The following ZC3H18 variants were observed in gnomAD, a reference collection of about 807,000 sequenced individuals.
The protein encoded by ZC3H18 is zinc finger CCCH-type containing 18.
A neutral mutation model predicts 106.1 loss-of-function variants in ZC3H18; 8 were observed. The observed-to-expected ratio is 0.08, with a 90% CI of 0.04 to 0.14. The LOEUF (loss-of-function observed/expected upper bound fraction) is 0.14. Among genes scored for constraint, ZC3H18 ranks in the 10% least tolerant of loss-of-function variants. The pLI, the probability that ZC3H18 is intolerant of heterozygous loss-of-function variation, is 1.00. For synonymous variants in ZC3H18, 635 were observed against 522.1 expected, an observed-to-expected ratio of 1.22 and a Z score of -2.95; for missense variants, 1,318 against 1,278.4, an observed-to-expected ratio of 1.03 and a Z score of -0.47.
At chr16:88,608,837 G>C in intron 6 of ZC3H18, 97 bp from the exon 7 acceptor site, 2 of 1,031,916 alleles carry the variant, frequency 1.9e-6, no homozygotes, top group South Asian at 1.6e-5. Context: ...ACCCCACTGC[G>C]TCACGGTCTG....
intron 8 of ZC3H18, among the ~76,000 whole-genome samples, chr16:88,615,912 A>G (rs1265507235): frequency 1.3e-5 from 2 of 152,242 alleles, no homozygotes. Context: ...AGTACGCGTT[A>G]GAGGGCCGCC....
At chr16:88,578,227 C>T (rs575727484) in intron 2 of ZC3H18, among the ~76,000 whole-genome samples, 1 of 152,178 alleles carries the variant, frequency 6.6e-6, no homozygotes, top group African/African-American at 2.4e-5. Context: ...GGAGAGGGCA[C>T]CAGCTGGGCC....
chr16:88,598,358 C>G (rs1451529420), intron 4 of ZC3H18, 32 bp downstream of exon 4: 1 of 1,577,718 alleles, frequency 6.3e-7, no homozygotes. Context: ...ATTGTTAGCA[C>G]ATCAGCCAAC....
At chr16:88,590,769 A>G (rs553318903) in intron 3 of ZC3H18, among the ~76,000 whole-genome samples, 11 of 151,744 alleles carry the variant, frequency 7.2e-5, no homozygotes, top group Admixed American at 4.6e-4. Context: ...CATGTTGGCC[A>G]GGCTGGTCTC....
At chr16:88,605,574 G>A (rs1398349167) in intron 6 of ZC3H18, among the ~76,000 whole-genome samples, 1 of 152,260 alleles carries the variant, frequency 6.6e-6, no homozygotes, top group Non-Finnish European at 1.5e-5. Context: ...CTCCACCTGG[G>A]TTGAGGTCAG....
chr16:88,624,184 C>A (rs1906148104), intron 11 of ZC3H18, 122 bp downstream of exon 11: 2 of 1,391,154 alleles, frequency 1.4e-6, no homozygotes, highest in South Asian at 1.3e-5. Context: ...CCTCAGGGGG[C>A]TGGCCCCAGG....
At chr16:88,622,937 C>A in intron 9 of ZC3H18, 1 of 468,266 alleles carries the variant, frequency 2.1e-6, no homozygotes, top group South Asian at 2.2e-5. Flanking sequence ...TGAGCTGGGT[C>A]TGCCCACTCA....
intron 8 of ZC3H18, among the ~76,000 whole-genome samples, chr16:88,617,252 A>G (rs1318312400): frequency 6.7e-6 from 1 of 148,224 alleles, no homozygotes; most frequent in Non-Finnish European, 1.5e-5. Context: ...TCTCATCCCC[A>G]TCGGTATCTC....
chr16:88,578,553 C>T (rs1433647999), intron 2 of ZC3H18, among the ~76,000 whole-genome samples: 3 of 151,028 alleles, frequency 2.0e-5, no homozygotes, highest in Non-Finnish European at 4.4e-5. Flanking sequence ...TTTGAAAGAT[C>T]CTGGGGAAGG....
chr16:88,622,120 C>G, intron 8 of ZC3H18, 77 bp from the exon 9 acceptor site: 5 of 1,490,606 alleles, frequency 3.4e-6, no homozygotes, highest in Middle Eastern at 2.2e-4. Context: ...TCCATAGTCT[C>G]TCCCGCTGCT....
At chr16:88,613,270 T>C (rs1905374519) in intron 8 of ZC3H18, among the ~76,000 whole-genome samples, 1 of 152,242 alleles carries the variant, frequency 6.6e-6, no homozygotes, top group African/African-American at 2.4e-5. Context: ...TGATGGACGT[T>C]GGGTTGTTTC....
chr16:88,617,130 G>C lies in ZC3H18; in HGVS notation c.1476-5067G>C, dbSNP rs545217495. Among the ~76,000 whole-genome samples, 5 of 152,292 alleles carry C rather than the reference G, an allele frequency of 3.3e-5. No homozygotes were observed. In the South Asian group the frequency reaches 6.2e-4, roughly 19 times the overall value. On this transcript the variant is annotated intron_variant, in intron 8 of 17. Coordinates refer to ENST00000301011, the MANE Select transcript of ZC3H18 (RefSeq NM_144604.4). The stretch of plus-strand genomic sequence containing the variant: ...GATGGCCAGCCCTCTGTCCATGGGG[G>C]AGCCATTTCTTTTCCTTATCTCTAA...
rs1597346181 is a variant in ZC3H18 at position 88,609,167 on chromosome 16, T to G, written c.1206+116T>G. The G allele has an allele frequency of 5.5e-6, 4 of 726,256 alleles. No homozygotes were observed. The East Asian group carries it at 1.2e-4, about 22-fold the overall frequency. The allele number at this position is 726,256 out of a possible 1,614,324, so 45.0% of individuals were successfully genotyped here. A position where few individuals can be genotyped will look rare whatever the true frequency, so the allele number is the denominator to read the frequency against. ...ATATGAGCTTATAGAGCCAGCACAA[T>G]GTACCAATTTGAAAACCAAATTGAT... On this transcript the variant is annotated intron_variant, in intron 7 of 17. Transcript: ENST00000301011.
chr16:88,629,483 CAT>C (rs566381150), intron 16 of ZC3H18, among the ~76,000 whole-genome samples: 181 of 152,290 alleles, frequency 1.2e-3, no homozygotes, highest in African/African-American at 3.2e-3. Flanking sequence ...TTTTTTTACA[CAT>C]GTGCCATTTT....
intron 6 of ZC3H18, among the ~76,000 whole-genome samples, chr16:88,604,918 C>G (rs1346601059): frequency 1.3e-5 from 2 of 152,188 alleles, no homozygotes; most frequent in East Asian, 1.9e-4. Flanking sequence ...GACTGGGCCC[C>G]TGCCAACTCC....
chr16:88,574,693 T>TTG (rs1914630619), intron 1 of ZC3H18, among the ~76,000 whole-genome samples: 3 of 134,734 alleles, frequency 2.2e-5, no homozygotes, highest in African/African-American at 8.8e-5. Context: ...TTTTTTTTTT[T>TTG]GGTAGAGATG....
rs1441157212 is a variant in ZC3H18, at chr16:88,577,399, G to A, written c.276G>A (p.Pro92=). The change falls in exon 2 of 18, where the codon CCG becomes CCA. Residue 92 remains proline (P), a synonymous_variant. Coordinates refer to ENST00000301011, the MANE Select transcript of ZC3H18 (RefSeq NM_144604.4). The part of the protein sequence containing the change: ...DSEVNELSRG[P]TSSPCEEEGD... ...AGGTGAATGAGCTGAGCCGGGGCCC[G>A]ACCAGCTCCCCCTGCGAGGAGGAGG... 4 of 1,598,794 alleles carry A rather than the reference G, an allele frequency of 2.5e-6. No individual in the cohort carries two copies. Among genetic ancestry groups the A allele is most frequent in the African/African-American group, 1.3e-5 (1 of 74,554 alleles).
intron 6 of ZC3H18, among the ~76,000 whole-genome samples, chr16:88,604,591 C>G (rs1279079328): frequency 6.6e-6 from 1 of 150,988 alleles, no homozygotes; most frequent in Non-Finnish European, 1.5e-5. Context: ...GAGGCTGAGG[C>G]AGGAGAATGG....
rs544805048 is a variant in ZC3H18 at position 88,597,985 on chromosome 16, C to A, written c.689-193C>A. Among the ~76,000 whole-genome samples the A allele has an allele frequency of 4.6e-5, 7 of 152,336 alleles. No homozygotes were observed. The East Asian group carries it at 1.3e-3, about 29-fold the overall frequency. On this transcript the variant is annotated intron_variant, in intron 3 of 17. Transcript: ENST00000301011. ...CCTCTGGGGAACTGCCGTGCCTGGG[C>A]AGGTGCAGCTGTCTGGCTCAGCCTC... is the stretch of plus-strand genomic sequence containing the variant.
Sources: gnomAD v4.1 joint callset for allele counts (sites outside exome capture counted in the v4.1 genomes callset) on GRCh38, gnomAD v4.1.1 for gene constraint, MANE v1.5 for transcripts, NCBI Gene and HGNC (gene_info 2026-07-23, HGNC 2026-07-21) for gene names.